The following SH3GL1 variants were observed in gnomAD, a reference collection of about 807,000 sequenced individuals.
SH3GL1 encodes the protein SH3 domain containing GRB2 like 1, endophilin A2.
A neutral mutation model predicts 48.8 loss-of-function variants in SH3GL1; 21 were observed. The ratio of observed to expected loss-of-function variants is 0.43; its 90% CI spans 0.30 to 0.62. SH3GL1 has a LOEUF of 0.62. SH3GL1 is among the 20% of genes least tolerant of loss of function. The pLI, the probability that SH3GL1 is intolerant of heterozygous loss-of-function variation, is 0.11. For synonymous variants in SH3GL1, 282 were observed against 217.5 expected, an observed-to-expected ratio of 1.30 and a Z score of -2.61; for missense variants, 454 against 503.0, an observed-to-expected ratio of 0.90 and a Z score of 0.93.
chr19:4,365,839 CAG>C (rs1209572199), intron 3 of SH3GL1, among the ~76,000 whole-genome samples: 4 of 152,208 alleles, frequency 2.6e-5, no homozygotes, highest in Non-Finnish European at 1.5e-5. Flanking sequence ...CCAAGCTCCT[CAG>C]GGGGCAAAAC....
intron 7 of SH3GL1, 59 bp from the exon 8 acceptor site, chr19:4,362,795 C>T (rs1178311168): frequency 1.9e-6 from 3 of 1,609,684 alleles, no homozygotes; most frequent in Non-Finnish European, 1.7e-6. Context: ...CAGCCCCACT[C>T]TTGTATTTAT....
intron 1 of SH3GL1, among the ~76,000 whole-genome samples, chr19:4,383,722 G>A (rs984547800): frequency 3.9e-5 from 6 of 152,128 alleles, no homozygotes; most frequent in South Asian, 2.1e-4. Context: ...TCTCAACAGC[G>A]AAATCACCAA....
intron 6 of SH3GL1, 93 bp from the exon 7 acceptor site, chr19:4,363,566 C>G: frequency 7.1e-7 from 1 of 1,406,500 alleles, no homozygotes; most frequent in Middle Eastern, 1.8e-4. Context: ...GGCAAGGGGG[C>G]TGAGAGGGGA....
At chr19:4,365,662 G>A (rs755079734) in intron 3 of SH3GL1, 37 bp from the exon 4 acceptor site, 1 of 1,611,648 alleles carries the variant, frequency 6.2e-7, no homozygotes, top group Non-Finnish European at 8.5e-7. Flanking sequence ...GGGCTGTGAG[G>A]CCTGCACTCC....
Position 4,361,412 on chromosome 19 carries a change from ACCCACCCAGATAAGCCCC to A in SH3GL1, c.*170_*187del. The A allele has an allele frequency of 1.7e-6, 1 of 592,886 alleles. No homozygotes were observed. Among genetic ancestry groups the A allele is most frequent in the Middle Eastern group, 4.5e-4 (1 of 2,242 alleles). 36.7% of individuals were successfully genotyped at this position (592,886 alleles called of 1,614,324 possible). Reference sequence around the variant, plus strand: ...AGCGCTAGTGTAAACAGGCATCCCCACCCACCCAGATAAGCCCCCCCACCCAAGTGTGGGGTCCTGCTC... The same window carrying A: ...AGCGCTAGTGTAAACAGGCATCCCCACCCACCCAAGTGTGGGGTCCTGCTC... On this transcript the variant is annotated 3_prime_UTR_variant, in exon 10 of 10. Coordinates refer to ENST00000269886, the MANE Select transcript of SH3GL1 (RefSeq NM_003025.4).
In SH3GL1 at chr19:4,376,979, G is replaced by A. The variant is rs1458717686; in HGVS notation, c.46-9985C>T. Among the ~76,000 whole-genome samples, 2 of 152,196 alleles carry A rather than the reference G, an allele frequency of 1.3e-5. No individual in the cohort carries two copies. The highest frequency in any genetic ancestry group is 4.8e-5 in the African/African-American group (2 of 41,436). ...GGCAGCAACTCCCCGCAGTGACCCG[G>A]AAGGCAGCCAGATGATACTCCTCCC... is the stretch of plus-strand genomic sequence containing the variant. On this transcript the variant is annotated intron_variant, in intron 1 of 9. Coordinates refer to ENST00000269886, the MANE Select transcript of SH3GL1 (RefSeq NM_003025.4). The surrounding 1 kb of genome is among the most constrained non-coding windows in gnomAD (Gnocchi z 4.3).
chr19:4,386,550 C>T (rs1973239839), intron 1 of SH3GL1, among the ~76,000 whole-genome samples: 1 of 145,232 alleles, frequency 6.9e-6, no homozygotes, highest in Admixed American at 7.1e-5. Context: ...ACTGCCCAGG[C>T]AGATCTCAAA....
At chr19:4,366,476 C>T in intron 3 of SH3GL1, 25 bp downstream of exon 3, 2 of 1,592,524 alleles carry the variant, frequency 1.3e-6, no homozygotes, top group Non-Finnish European at 1.7e-6. Flanking sequence ...CTGGGGCAGG[C>T]CCTGGCAGTG....
At position 4,367,141 on chromosome 19, in the gene SH3GL1, G is replaced by C; in HGVS notation, c.46-147C>G. The C allele has an allele frequency of 3.9e-6, 3 of 759,848 alleles. No homozygotes were observed. The highest frequency in any genetic ancestry group is 7.0e-6 in the Non-Finnish European group (3 of 429,496). 47.1% of individuals were successfully genotyped at this position (759,848 alleles called of 1,614,324 possible). A position where few individuals can be genotyped will look rare whatever the true frequency, so the allele number is the denominator to read the frequency against. On this transcript the variant is annotated intron_variant, in intron 1 of 9. Coordinates refer to ENST00000269886, the MANE Select transcript of SH3GL1 (RefSeq NM_003025.4). The surrounding 1 kb of genome is among the most constrained non-coding windows in gnomAD (Gnocchi z 4.2). ...CAGGACACACACCTCAGGCACTGCCGTGGGCACCCCAGGGCCACACGCTGC... is the reference window on the plus strand; with the variant it reads ...CAGGACACACACCTCAGGCACTGCCCTGGGCACCCCAGGGCCACACGCTGC...
intron 1 of SH3GL1, among the ~76,000 whole-genome samples, chr19:4,371,450 C>T (rs1599600478): frequency 6.6e-6 from 1 of 152,202 alleles, no homozygotes; most frequent in Non-Finnish European, 1.5e-5. Flanking sequence ...GGGATTTAAA[C>T]ATCTCAGCGG....
chr19:4,361,614 G>T lies in SH3GL1; in HGVS notation c.1093C>A (p.Pro365Thr). 1 of 1,600,608 alleles carries T rather than the reference G, an allele frequency of 6.2e-7. No individual in the cohort carries two copies. The change falls in exon 10 of 10, where the codon CCC (proline) becomes ACC (threonine). Residue 365 changes from proline to threonine, a missense_variant. By Grantham distance (38) the Pro-to-Thr change is conservative. Around this residue, in one of 2 missense-constraint regions of SH3GL1, gnomAD observed 278 missense variants for 246.8 expected, o/e 1.13. Coordinates refer to ENST00000269886, the MANE Select transcript of SH3GL1 (RefSeq NM_003025.4). ...ACACGGGTGAGTCACTGCGGCAGGG[G>T]CACAAGCACCTCCACGTAGCTGAGC... ...FPLSYVEVLVPLPQ is the reference protein window; with the variant it reads ...FPLSYVEVLVTLPQ
chr19:4,368,348 G>T (rs1972826625), intron 1 of SH3GL1, among the ~76,000 whole-genome samples: 1 of 152,232 alleles, frequency 6.6e-6, no homozygotes, highest in Admixed American at 6.5e-5. Flanking sequence ...AGAGCAGGAA[G>T]TGCGGGGGCA....
intron 1 of SH3GL1, among the ~76,000 whole-genome samples, chr19:4,377,120 A>G (rs1366413016): frequency 1.3e-5 from 2 of 152,236 alleles, no homozygotes; most frequent in African/African-American, 2.4e-5. Context: ...CAAGGTTGGG[A>G]AAATTTGCAA....
intron 1 of SH3GL1, among the ~76,000 whole-genome samples, chr19:4,391,247 G>A (rs1027744376): frequency 9.2e-5 from 14 of 152,196 alleles, no homozygotes; most frequent in African/African-American, 3.4e-4. Context: ...CATGTTCTCT[G>A]TGTGCTTGAT....
intron 1 of SH3GL1, among the ~76,000 whole-genome samples, chr19:4,379,163 A>G (rs950609330): frequency 2.0e-5 from 3 of 152,166 alleles, no homozygotes; most frequent in Admixed American, 1.3e-4. Context: ...GGAGGAAAGA[A>G]GCAAAGGACT....
Position 4,360,423 on chromosome 19 carries a change from G to A in SH3GL1, c.*1177C>T, listed in dbSNP as rs1599583765. On this transcript the variant is annotated 3_prime_UTR_variant, in exon 10 of 10. Transcript: ENST00000269886. ...TTACAAAATTCAGGCGTACATTTCA[G>A]TTTGCCCTGGACCGTGCCCAAAGCT... is the stretch of plus-strand genomic sequence containing the variant. 1 of 246,980 alleles carries A rather than the reference G, an allele frequency of 4.0e-6. No homozygotes were observed. Among genetic ancestry groups the A allele is most frequent in the Non-Finnish European group, 7.9e-6 (1 of 126,274 alleles). The allele number at this position is 246,980 out of a possible 1,614,324, so 15.3% of individuals were successfully genotyped here. A position where few individuals can be genotyped will look rare whatever the true frequency, so the allele number is the denominator to read the frequency against.
chr19:4,363,397 T>C lies in SH3GL1; in HGVS notation c.701A>G (p.Asp234Gly), dbSNP rs1331772123. 2 of 1,610,382 alleles carry C rather than the reference T, an allele frequency of 1.2e-6. No individual in the cohort carries two copies. ...GCGCTTGAGCTTCTCCGCCAGCTCG[T>C]CCAGGATCTGCACGGCCTGCCGGTG... ...DYHRQAVQIL[D>G]ELAEKLKRRM... Residue 234 changes from aspartate (D) to glycine (G), a missense_variant, in exon 7 of 10, where the codon GAC (aspartate) becomes GGC (glycine). Physicochemically the swap from Asp to Gly is moderately conservative, Grantham distance 94. Coordinates refer to ENST00000269886, the MANE Select transcript of SH3GL1 (RefSeq NM_003025.4).
rs1214942653 is a variant in SH3GL1 at position 4,367,213 on chromosome 19, G to A, written c.46-219C>T. Among the ~76,000 whole-genome samples the A allele has an allele frequency of 2.0e-5, 3 of 152,118 alleles. No homozygotes were observed. The highest frequency in any genetic ancestry group is 6.5e-5 in the Admixed American group (1 of 15,280). On this transcript the variant is annotated intron_variant, in intron 1 of 9. Coordinates refer to ENST00000269886, the MANE Select transcript of SH3GL1 (RefSeq NM_003025.4). This position sits in a 1 kb window ranked among gnomAD's most constrained non-coding sequence, Gnocchi z 4.2. Reference sequence around the variant, plus strand: ...CAGGGGGAGGGGGAGGGTGGGGGTGGCCTGCCCACCTGTGTGTGTCCCGAC... The same window carrying A: ...CAGGGGGAGGGGGAGGGTGGGGGTGACCTGCCCACCTGTGTGTGTCCCGAC...
chr19:4,383,082 C>T (rs1973168351), intron 1 of SH3GL1, among the ~76,000 whole-genome samples: 2 of 151,922 alleles, frequency 1.3e-5, no homozygotes. Context: ...CCACGCCTGG[C>T]TAATTTTGTA....
Sources: allele counts gnomAD v4.1 joint callset (sites outside exome capture counted in the v4.1 genomes callset), GRCh38; gene constraint gnomAD v4.1.1; regional missense constraint gnomAD v4.1.1; non-coding constraint Gnocchi (gnomAD v3.1); transcripts MANE v1.5; gene names NCBI Gene and HGNC (gene_info 2026-07-23, HGNC 2026-07-21).